The following SIRT7 variants were observed in gnomAD, a reference collection of about 807,000 sequenced individuals.
SIRT7 encodes the protein sirtuin 7.
SIRT7 carries 32 observed loss-of-function variants against 42.8 expected under a neutral mutation model. The ratio of observed to expected loss-of-function variants is 0.75; its 90% CI spans 0.56 to 1.00. The LOEUF is 1.00. Ranked by LOEUF, SIRT7 falls within the 50% of genes least tolerant of loss-of-function variation. The probability of loss-of-function intolerance (pLI) is 0.00; values close to 1 mark genes in which losing one functional copy is unlikely to be tolerated. For missense variants in SIRT7, 553 were observed against 572.2 expected (o/e 0.97, Z 0.34); for synonymous variants, 297 against 245.2 (o/e 1.21, Z -1.97).
At chr17:81,915,949 C>T in intron 3 of SIRT7, 2 of 475,388 alleles carry the variant, frequency 4.2e-6, no homozygotes, top group Non-Finnish European at 7.8e-6. Context: ...CCGGAAGCCT[C>T]TCTGGCACCG....
At chr17:81,914,933 C>G (rs978945865) in intron 5 of SIRT7, 7 of 569,306 alleles carry the variant, frequency 1.2e-5, no homozygotes, top group Middle Eastern at 4.7e-4. Flanking sequence ...CCTGATGCAC[C>G]TGGAGTGGCT....
chr17:81,915,693 G>C lies in SIRT7; in HGVS notation c.337-12C>G. 6.2e-7 allele frequency: 1 copy of C among 1,613,312 alleles called. No individual in the cohort carries two copies. Among genetic ancestry groups the C allele is most frequent in the East Asian group, 2.2e-5 (1 of 44,868 alleles). ...GGGATAGACGCTGCCTGCATGTCGA[G>C]AAAAAAGGTAAGCCAAGTCAAAAGG... On this transcript the variant is annotated splice_polypyrimidine_tract_variant and intron_variant, in intron 3 of 9. Transcript: ENST00000328666.
chr17:81,914,321 G>A lies in SIRT7; in HGVS notation c.789C>T (p.Thr263=). The A allele has an allele frequency of 6.2e-7, 1 of 1,613,086 alleles. No individual in the cohort carries two copies. Among genetic ancestry groups the A allele is most frequent in the Non-Finnish European group, 8.5e-7 (1 of 1,180,004 alleles). Residue 263 remains threonine (T), a synonymous_variant, in exon 7 of 10, where the codon ACC becomes ACT. Coordinates refer to ENST00000328666, the MANE Select transcript of SIRT7 (RefSeq NM_016538.3). ...AATEAASRAD[T]ILCLGSSLKV... ...TCAGGCTGGACCCTAGACACAGGAT[G>A]GTGTCTGCTCTGCTGGCAGCCTCGG...
At chr17:81,912,844 C>G in intron 9 of SIRT7, 1 of 598,328 alleles carries the variant, frequency 1.7e-6, no homozygotes, top group Non-Finnish European at 3.0e-6. Context: ...CACACTAGCT[C>G]GGTCTCCTCA....
At position 81,912,218 on chromosome 17, in the gene SIRT7, T is replaced by C; in HGVS notation, c.*198A>G. The C allele has an allele frequency of 1.6e-6, 1 of 643,468 alleles. No individual in the cohort carries two copies. The highest frequency in any genetic ancestry group is 2.7e-6 in the Non-Finnish European group (1 of 371,606). 39.9% of individuals were successfully genotyped at this position (643,468 alleles called of 1,614,324 possible). ...TTGACACAGAGGCCGGATGGGCAGG[T>C]GTCCTCGATGGCCAGGCCGTATCAG... On this transcript the variant is annotated 3_prime_UTR_variant, in exon 10 of 10. Transcript: ENST00000328666.
Position 81,914,275 on chromosome 17 carries a change from TTG to T in SIRT7, c.816+17_816+18del. The stretch of plus-strand genomic sequence containing the variant: ...GGCGGGCAGGGGCTCGGTTCACTCA[TTG>T]TGTCATCGGCACGTACCTTCAGGCT... On this transcript the variant is annotated intron_variant, in intron 7 of 9. Coordinates refer to ENST00000328666, the MANE Select transcript of SIRT7 (RefSeq NM_016538.3). 6.2e-7 allele frequency: 1 copy of T among 1,612,766 alleles called. No individual in the cohort carries two copies. Among genetic ancestry groups the T allele is most frequent in the African/African-American group, 1.3e-5 (1 of 75,038 alleles).
chr17:81,914,772 A>C (rs2040762536), intron 5 of SIRT7, 70 bp from the exon 6 acceptor site: 1 of 1,307,200 alleles, frequency 7.6e-7, no homozygotes, highest in Admixed American at 1.7e-5. Context: ...GTACCCGGCC[A>C]CAGCGAGGCT....
At chr17:81,914,261 G>C in intron 7 of SIRT7, 33 bp downstream of exon 7, 3 of 1,611,788 alleles carry the variant, frequency 1.9e-6, no homozygotes, top group Non-Finnish European at 2.5e-6. Context: ...GCGGGCAGGG[G>C]CTCGGTTCAC....
chr17:81,917,531 C>T (rs1485163934), intron 3 of SIRT7, 84 bp downstream of exon 3: 32 of 1,229,506 alleles, frequency 2.6e-5, no homozygotes, highest in African/African-American at 3.1e-5. Context: ...GAGAAAAAAC[C>T]TTAGAGCTGC....
Position 81,913,181 on chromosome 17 carries a change from C to A in SIRT7, c.1005-567G>T. 2.3e-6 allele frequency: 1 copy of A among 431,928 alleles called. No individual in the cohort carries two copies. The highest frequency in any genetic ancestry group is 4.6e-6 in the Non-Finnish European group (1 of 218,560). 26.8% of individuals were successfully genotyped at this position (431,928 alleles called of 1,614,324 possible). A position where few individuals can be genotyped will look rare whatever the true frequency, so the allele number is the denominator to read the frequency against. On this transcript the variant is annotated intron_variant, in intron 9 of 9. Transcript: ENST00000328666. The surrounding 1 kb of genome is among the most constrained non-coding windows in gnomAD (Gnocchi z 5.0). Reference sequence around the variant, plus strand: ...AAATACAGTACACGATAGCCCACATCACAGAACACCACACACATAACATAC... The same window carrying A: ...AAATACAGTACACGATAGCCCACATAACAGAACACCACACACATAACATAC...
chr17:81,918,100 C>G lies in SIRT7; in HGVS notation c.32G>C (p.Arg11Pro). ...CCTCCGGACCCGCTCCGCCGCTTTG[C>G]GCTCGGAGCGGCTCAGACCCCCGGC... MAAGGLSRSE[R>P]KAAERVRRLR... The change falls in exon 1 of 10, where the codon CGC becomes CCC. Residue 11 changes from arginine to proline, a missense_variant. Arg to Pro is a moderately radical substitution (Grantham distance 103). Transcript: ENST00000328666. 1 of 1,551,416 alleles carries G rather than the reference C, an allele frequency of 6.4e-7. No homozygotes were observed. The highest frequency in any genetic ancestry group is 1.2e-5 in the South Asian group (1 of 86,110).
At chr17:81,916,055 C>T in intron 3 of SIRT7, 1 of 299,076 alleles carries the variant, frequency 3.3e-6, no homozygotes, top group Non-Finnish European at 6.7e-6. Context: ...GCCCACAGCT[C>T]ACACATTTAG....
At chr17:81,912,910 A>T (rs533537813) in intron 9 of SIRT7, 55 of 479,368 alleles carry the variant, frequency 1.1e-4, no homozygotes, top group African/African-American at 1.1e-3. Flanking sequence ...GTGGGGCAGC[A>T]GTGGCCCCAG....
At chr17:81,914,566 T>A in intron 6 of SIRT7, 36 bp from the exon 7 acceptor site, 6 of 1,612,600 alleles carry the variant, frequency 3.7e-6, no homozygotes, top group Non-Finnish European at 5.1e-6. Context: ...GGGACCCGCC[T>A]GCCCATGGAG....
Position 81,918,142 on chromosome 17 carries a change from G to T in SIRT7, c.-11C>A, listed in dbSNP as rs2040844729. ...ACCCCCGGCTGCCATCGCTCCCCTG[G>T]AGACCTGCTCTTCCGCTTCCGCCTC... On this transcript the variant is annotated 5_prime_UTR_variant, in exon 1 of 10. Transcript: ENST00000328666. 1.9e-6 allele frequency: 3 copies of T among 1,542,938 alleles called. No homozygotes were observed. The highest frequency in any genetic ancestry group is 2.6e-6 in the Non-Finnish European group (3 of 1,155,406).
chr17:81,918,038 C>T lies in SIRT7; in HGVS notation c.93+1G>A. On this transcript the variant is annotated splice_donor_variant, in intron 1 of 9. Coordinates refer to ENST00000328666, the MANE Select transcript of SIRT7 (RefSeq NM_016538.3). LOFTEE classifies it high-confidence loss of function. ...CGGGCCGGGGAGCGGCGGCGGCGTACCTGGCGGAGGCGCTCCCTCTGCTGC... is the reference window on the plus strand; with the variant it reads ...CGGGCCGGGGAGCGGCGGCGGCGTATCTGGCGGAGGCGCTCCCTCTGCTGC... 6.7e-7 allele frequency: 1 copy of T among 1,486,222 alleles called. No individual in the cohort carries two copies. The highest frequency in any genetic ancestry group is 8.9e-7 in the Non-Finnish European group (1 of 1,126,106). The allele number at this position is 1,486,222 out of a possible 1,614,324, so 92.1% of individuals were successfully genotyped here.
rs2040732768 is a variant in SIRT7, at chr17:81,913,430, C to T, written c.1004+344G>A. On this transcript the variant is annotated intron_variant, in intron 9 of 9. Coordinates refer to ENST00000328666, the MANE Select transcript of SIRT7 (RefSeq NM_016538.3). The surrounding 1 kb of genome is among the most constrained non-coding windows in gnomAD (Gnocchi z 5.0). ...ACGCCAACTCCCAAAACCAAGCACA[C>T]AGATTCTGTCTGACCAGAGCTGCCG... 1 of 445,580 alleles carries T rather than the reference C, an allele frequency of 2.2e-6. No homozygotes were observed. The highest frequency in any genetic ancestry group is 4.4e-6 in the Non-Finnish European group (1 of 229,108). 27.6% of individuals were successfully genotyped at this position (445,580 alleles called of 1,614,324 possible).
rs747205915 is a variant in SIRT7, at chr17:81,912,573, G to C, written c.1046C>G (p.Ala349Gly). The C allele has an allele frequency of 6.2e-7, 1 of 1,613,642 alleles. No homozygotes were observed. Among genetic ancestry groups the C allele is most frequent in the Non-Finnish European group, 8.5e-7 (1 of 1,180,000 alleles). ...PIFSLATPLR[A>G]GEEGSHSRKS... is the part of the protein sequence containing the mutation. The stretch of plus-strand genomic sequence containing the variant: ...CCGACTGTGGCTGCCTTCTTCACCA[G>C]CACGCAGGGGAGTCGCCAGTGAGAA... Residue 349 changes from alanine (A) to glycine (G), a missense_variant, in exon 10 of 10, where the codon GCT (alanine) becomes GGT (glycine). By Grantham distance (60) the Ala-to-Gly change is moderately conservative. Coordinates refer to ENST00000328666, the MANE Select transcript of SIRT7 (RefSeq NM_016538.3).
intron 5 of SIRT7, 47 bp downstream of exon 5, chr17:81,915,393 G>T (rs200300153): frequency 2.5e-6 from 4 of 1,584,812 alleles, no homozygotes; most frequent in Non-Finnish European, 3.4e-6. Context: ...GCACCAAGGT[G>T]CTCTGCCTGG....
Sources: allele counts gnomAD v4.1 joint callset, GRCh38; gene constraint gnomAD v4.1.1; non-coding constraint Gnocchi (gnomAD v3.1); transcripts MANE v1.5; gene names NCBI Gene and HGNC (gene_info 2026-07-23, HGNC 2026-07-21).